The following PSD3 variants were observed in gnomAD, a reference collection of about 807,000 sequenced individuals.
PSD3 encodes the protein PH and SEC7 domain-containing protein 3.
PSD3 carries 49 observed loss-of-function variants against 105.5 expected under a neutral mutation model. That is an observed-to-expected ratio of 0.46 (90% CI 0.37 to 0.59). The LOEUF is 0.59. PSD3 is among the 20% of genes least tolerant of loss of function. PSD3 has a pLI of 0.00. For synonymous variants in PSD3, 557 were observed against 457.8 expected (o/e 1.22, Z -2.77); for missense variants, 1,561 against 1,263.8 (o/e 1.24, Z -3.57).
chr8:18,590,258 A>AC (rs1803497991), intron 12 of PSD3, among the ~76,000 whole-genome samples: 1 of 152,166 alleles, frequency 6.6e-6, no homozygotes, highest in South Asian at 2.1e-4. Context: ...AAAGCAGTTG[A>AC]TCATCTCAGT....
chr8:18,719,491 A>T (rs557933762), intron 9 of PSD3, among the ~76,000 whole-genome samples: 1 of 152,312 alleles, frequency 6.6e-6, no homozygotes, highest in African/African-American at 2.4e-5. Context: ...CTGCTTTAAA[A>T]CAATATTCAT....
intron 12 of PSD3, among the ~76,000 whole-genome samples, chr8:18,588,619 AT>A (rs1803366147): frequency 6.6e-6 from 1 of 152,180 alleles, no homozygotes; most frequent in Admixed American, 6.6e-5. Context: ...TATAAAAGCA[AT>A]TTCACCCAAC....
intron 4 of PSD3, among the ~76,000 whole-genome samples, chr8:18,845,001 C>T (rs981746790): frequency 1.2e-4 from 19 of 152,082 alleles, no homozygotes; most frequent in African/African-American, 1.9e-4. Context: ...GCTCAAAGCA[C>T]GTCATGGGAG....
At position 19,003,377 on chromosome 8, in the gene PSD3, G is replaced by A. The variant is rs570098913; in HGVS notation, c.21+10186C>T. On this transcript the variant is annotated intron_variant, in intron 1 of 15. Coordinates refer to ENST00000327040, the MANE Select transcript of PSD3 (RefSeq NM_015310.4). ...AGCCTGGGCAACTGAGCAAGACCCCGTCTTTAAAAAACAAAAATAAAGAGG... is the reference window on the plus strand; with the variant it reads ...AGCCTGGGCAACTGAGCAAGACCCCATCTTTAAAAAACAAAAATAAAGAGG... Among the ~76,000 whole-genome samples the A allele has an allele frequency of 1.3e-4, 19 of 151,856 alleles. No homozygotes were observed. The East Asian group carries it at 1.4e-3, about 11-fold the overall frequency.
chr8:18,592,894 T>C (rs1190938659), intron 12 of PSD3, among the ~76,000 whole-genome samples: 2 of 152,162 alleles, frequency 1.3e-5, no homozygotes, highest in Admixed American at 6.5e-5. Flanking sequence ...ATTTAACAAA[T>C]GGTGCTGGGA....
chr8:18,575,377 G>A, intron 12 of PSD3, 92 bp from the exon 13 acceptor site: 2 of 1,223,888 alleles, frequency 1.6e-6, no homozygotes, highest in South Asian at 2.1e-5. Flanking sequence ...ATAGTTTTTA[G>A]GAAATCCAAG....
At chr8:18,574,990 A>G (rs1802383946) in intron 13 of PSD3, 138 bp downstream of exon 13, 2 of 807,678 alleles carry the variant, frequency 2.5e-6, no homozygotes, top group East Asian at 3.1e-5. Flanking sequence ...TTAGGCAGTT[A>G]TTTCTCTAAT....
At chr8:19,058,213 G>A (rs10090319) in intron 1 of PSD3, among the ~76,000 whole-genome samples, 218 of 152,138 alleles carry the variant, frequency 1.4e-3, no homozygotes, top group African/African-American at 4.7e-3. Context: ...TTGTGGTTTC[G>A]TTTGTTTTGA....
intron 8 of PSD3, among the ~76,000 whole-genome samples, chr8:18,772,856 AT>A (rs1807671133): frequency 6.6e-6 from 1 of 152,076 alleles, no homozygotes; most frequent in Non-Finnish European, 1.5e-5. Flanking sequence ...CTATTAAAGT[AT>A]TTTTCCCCTT....
intron 1 of PSD3, among the ~76,000 whole-genome samples, chr8:19,062,170 C>G (rs1002372447): frequency 6.6e-6 from 1 of 152,152 alleles, no homozygotes; most frequent in East Asian, 1.9e-4. Context: ...CAATGTATTC[C>G]TACCAATAAG....
intron 14 of PSD3, among the ~76,000 whole-genome samples, chr8:18,566,262 C>T (rs888693546): frequency 1.3e-5 from 2 of 152,108 alleles, no homozygotes; most frequent in Admixed American, 6.6e-5. Context: ...GGGTGGCTCA[C>T]GCCTGTAATT....
chr8:18,673,521 C>T lies in PSD3; in HGVS notation c.2173-17836G>A, dbSNP rs563972568. Among the ~76,000 whole-genome samples the T allele has an allele frequency of 5.3e-5, 8 of 152,280 alleles. No individual in the cohort carries two copies. In the South Asian group the frequency reaches 6.2e-4, roughly 12 times the overall value. ...TGGTTGGAAGCATGTCTCTTGGCAT[C>T]GTCTCTGCCCCCACTCCTCTAATCT... On this transcript the variant is annotated intron_variant, in intron 9 of 15. Coordinates refer to ENST00000327040, the MANE Select transcript of PSD3 (RefSeq NM_015310.4).
intron 9 of PSD3, among the ~76,000 whole-genome samples, chr8:18,717,106 C>T (rs1802650422): frequency 6.6e-6 from 1 of 152,188 alleles, no homozygotes; most frequent in Non-Finnish European, 1.5e-5. Context: ...CTAAAATCAA[C>T]CTATTTTAAA....
Position 18,746,371 on chromosome 8 carries a change from T to C in PSD3, c.2172+19078A>G, listed in dbSNP as rs147273713. Among the ~76,000 whole-genome samples, 489 of 152,258 alleles carry C rather than the reference T, an allele frequency of 3.2e-3. 1 individual carries two copies. Among genetic ancestry groups the C allele is most frequent in the Non-Finnish European group, 4.7e-3 (323 of 68,024 alleles). ...CCGTTTTCATAACTCGAAAACATTC[T>C]TCTCCATCCTCCTCACCCTTCCATG... On this transcript the variant is annotated intron_variant, in intron 9 of 15. Transcript: ENST00000327040.
At chr8:19,064,938 G>A (rs557706366) in intron 1 of PSD3, among the ~76,000 whole-genome samples, 11 of 152,262 alleles carry the variant, frequency 7.2e-5, no homozygotes, top group Non-Finnish European at 1.0e-4. Flanking sequence ...TCCTGCACTA[G>A]GTCCCAACAG....
At chr8:19,052,470 C>CAAA (rs5889846) in intron 1 of PSD3, among the ~76,000 whole-genome samples, 1 of 116,128 alleles carries the variant, frequency 8.6e-6, no homozygotes. Flanking sequence ...GACTCTGTCT[C>CAAA]AAAAAAAAAA....
rs71217384 is a variant in PSD3, at chr8:18,576,889, C to CT, written c.2482-1605dup. On this transcript the variant is annotated intron_variant, in intron 12 of 15. Coordinates refer to ENST00000327040, the MANE Select transcript of PSD3 (RefSeq NM_015310.4). The stretch of plus-strand genomic sequence containing the variant: ...AGGTTAGCCTAGAAATTTGTGTGTA[C>CT]TTTTTTTTTTTTTATATTCTAGGTC... Among the ~76,000 whole-genome samples, 140 of 146,226 alleles carry CT rather than the reference C, an allele frequency of 9.6e-4. 2 individuals are homozygous for CT. Among genetic ancestry groups the CT allele is most frequent in the African/African-American group, 2.0e-3 (78 of 39,708 alleles).
rs143606985 is a variant in PSD3 at position 18,995,088 on chromosome 8, G to C, written c.21+18475C>G. 5.2e-3 allele frequency among the ~76,000 whole-genome samples: 792 copies of C among 152,268 alleles called. 6 individuals are homozygous for C. The highest frequency in any genetic ancestry group is 0.018 in the African/African-American group (755 of 41,580). On this transcript the variant is annotated intron_variant, in intron 1 of 15. Coordinates refer to ENST00000327040, the MANE Select transcript of PSD3 (RefSeq NM_015310.4). ...AAGCCAAAGGACTGCTTTCCAGCAA[G>C]GGAGCTGTTTACTGAAGAGATTTGG...
chr8:18,543,086 T>C (rs896721588), intron 15 of PSD3, among the ~76,000 whole-genome samples: 16 of 152,174 alleles, frequency 1.1e-4, no homozygotes, highest in Non-Finnish European at 1.9e-4. Context: ...CTGACAAGAA[T>C]CTACATACCG....
Sources: gnomAD v4.1 joint callset for allele counts (sites outside exome capture counted in the v4.1 genomes callset) on GRCh38, gnomAD v4.1.1 for gene constraint, MANE v1.5 for transcripts, NCBI Gene and HGNC (gene_info 2026-07-23, HGNC 2026-07-21) for gene names.